BDKRB2: variants seen among roughly 807,000 people sequenced by gnomAD.
The protein encoded by BDKRB2 is bradykinin receptor B2.
BDKRB2 carries 6 observed loss-of-function variants against 4.0 expected under a neutral mutation model. The observed-to-expected ratio is 1.49, with a 90% CI of 0.81 to 2.93. The LOEUF (loss-of-function observed/expected upper bound fraction) is 2.93. BDKRB2 is among the 30% of genes most tolerant of loss of function. The pLI, the probability that BDKRB2 is intolerant of heterozygous loss-of-function variation, is 0.00. For missense variants in BDKRB2, 478 were observed against 520.1 expected, an observed-to-expected ratio of 0.92 and a Z score of 0.79; for synonymous variants, 225 against 215.3, an observed-to-expected ratio of 1.05 and a Z score of -0.40.
At chr14:96,231,217 C>T (rs898304467) in intron 1 of BDKRB2, among the ~76,000 whole-genome samples, 6 of 152,208 alleles carry the variant, frequency 3.9e-5, no homozygotes, top group Non-Finnish European at 7.3e-5. Flanking sequence ...CCCTCATGTC[C>T]CCACTGAAAG....
At chr14:96,234,561 G>T (rs1890889795) in intron 1 of BDKRB2, among the ~76,000 whole-genome samples, 1 of 152,194 alleles carries the variant, frequency 6.6e-6, no homozygotes, top group Non-Finnish European at 1.5e-5. Flanking sequence ...CCCTGACAGG[G>T]ATCCTCACCC....
chr14:96,235,510 G>A (rs1890910871), intron 1 of BDKRB2, among the ~76,000 whole-genome samples: 4 of 152,154 alleles, frequency 2.6e-5, no homozygotes, highest in Admixed American at 2.6e-4. Flanking sequence ...CAGAAGGACT[G>A]TGCTGCTCGT....
At chr14:96,218,975 G>T (rs1410195280) in intron 1 of BDKRB2, among the ~76,000 whole-genome samples, 1 of 151,730 alleles carries the variant, frequency 6.6e-6, no homozygotes, top group Non-Finnish European at 1.5e-5. Flanking sequence ...GTGTTGTGGG[G>T]ATTAAATGAG....
chr14:96,208,513 G>A (rs1196761489), intron 1 of BDKRB2, among the ~76,000 whole-genome samples: 3 of 152,106 alleles, frequency 2.0e-5, no homozygotes, highest in African/African-American at 7.2e-5. Flanking sequence ...TATTTTTGAG[G>A]ACCACTAGGA....
At chr14:96,232,029 T>C (rs530025215) in intron 1 of BDKRB2, among the ~76,000 whole-genome samples, 2 of 152,260 alleles carry the variant, frequency 1.3e-5, no homozygotes, top group South Asian at 4.1e-4. Flanking sequence ...GTGTAATGAA[T>C]GACTGGAAAC....
intron 1 of BDKRB2, among the ~76,000 whole-genome samples, chr14:96,226,740 GC>G (rs1890706603): frequency 6.6e-6 from 1 of 152,116 alleles, no homozygotes; most frequent in Non-Finnish European, 1.5e-5. Context: ...CTGGTAGAAT[GC>G]CCACCCTCTG....
intron 1 of BDKRB2, among the ~76,000 whole-genome samples, chr14:96,230,457 C>T (rs558796583): frequency 3.3e-5 from 5 of 151,864 alleles, no homozygotes; most frequent in South Asian, 4.2e-4. Flanking sequence ...TGCAACGGTG[C>T]GATCTCGGCT....
At chr14:96,218,996 T>A (rs1890491708) in intron 1 of BDKRB2, among the ~76,000 whole-genome samples, 1 of 151,470 alleles carries the variant, frequency 6.6e-6, no homozygotes, top group Non-Finnish European at 1.5e-5. Flanking sequence ...TTAATATCTG[T>A]GAAGTGCTTT....
rs1041752866 is a variant in BDKRB2, at chr14:96,243,422, G to T, written c.*1918G>T. ...GAACCTAGAAGGGCTAGAACCTGGAGGGCTAGAACCTGGCAGGTTAGAACC... is the reference window on the plus strand; with the variant it reads ...GAACCTAGAAGGGCTAGAACCTGGATGGCTAGAACCTGGCAGGTTAGAACC... On this transcript the variant is annotated 3_prime_UTR_variant, in exon 3 of 3. Coordinates refer to ENST00000554311, the MANE Select transcript of BDKRB2 (RefSeq NM_001379692.1). The T allele has an allele frequency of 1.3e-5, 2 of 151,964 alleles. No homozygotes were observed. Among genetic ancestry groups the T allele is most frequent in the African/African-American group, 2.5e-5 (1 of 40,806 alleles). The allele number at this position is 151,964 out of a possible 1,614,324, so 9.4% of individuals were successfully genotyped here.
At chr14:96,223,246 G>A in intron 1 of BDKRB2, 2 of 1,073,108 alleles carry the variant, frequency 1.9e-6, no homozygotes, top group Non-Finnish European at 2.9e-6. Flanking sequence ...GAGGAATCTT[G>A]GCGTTCAGCA....
rs2069588 is a variant in BDKRB2, at chr14:96,242,330, T to C, written c.*826T>C. 132,585 of 152,298 alleles carry C rather than the reference T, an allele frequency of 0.87. 58,120 individuals are homozygous for C. Among genetic ancestry groups the C allele is most frequent in the African/African-American group, 0.97 (40,464 of 41,568 alleles). 9.4% of individuals were successfully genotyped at this position (152,298 alleles called of 1,614,324 possible). On this transcript the variant is annotated 3_prime_UTR_variant, in exon 3 of 3. Transcript: ENST00000554311. ...TCAACCAATAACTATTGCACAACCA[T>C]CTGTCCCTGCCTCAGTTCCCTCTTC...
At chr14:96,221,685 A>G (rs1034072177) in intron 1 of BDKRB2, among the ~76,000 whole-genome samples, 1 of 151,952 alleles carries the variant, frequency 6.6e-6, no homozygotes, top group Non-Finnish European at 1.5e-5. Flanking sequence ...CTTGTGGGGA[A>G]CCAGAGCGTC....
At chr14:96,235,114 G>A (rs1227624061) in intron 1 of BDKRB2, among the ~76,000 whole-genome samples, 3 of 152,096 alleles carry the variant, frequency 2.0e-5, no homozygotes, top group Non-Finnish European at 2.9e-5. Context: ...TTGGGAGGCC[G>A]AGGCGGGTGG....
Position 96,223,772 on chromosome 14 carries a change from T to A in BDKRB2, c.-39-13297T>A, listed in dbSNP as rs970328505. On this transcript the variant is annotated intron_variant, in intron 1 of 2. Transcript: ENST00000554311. ...GAAACTTTCCATTTTATTCAAGAAA[T>A]CTGTTCATGTTAAAAGCCTTGATTA... 7.2e-5 allele frequency among the ~76,000 whole-genome samples: 11 copies of A among 151,782 alleles called. 2 individuals are homozygous for A. Among genetic ancestry groups the A allele is most frequent in the African/African-American group, 2.4e-4 (10 of 41,184 alleles).
intron 1 of BDKRB2, among the ~76,000 whole-genome samples, chr14:96,232,274 G>GA (rs368241733): frequency 6.6e-6 from 1 of 152,160 alleles, no homozygotes; most frequent in African/African-American, 2.4e-5. Flanking sequence ...CTGTATAGTT[G>GA]AAAAAAACGA....
At chr14:96,206,297 C>T (rs1890178613) in intron 1 of BDKRB2, among the ~76,000 whole-genome samples, 1 of 152,100 alleles carries the variant, frequency 6.6e-6, no homozygotes, top group Admixed American at 6.5e-5. Context: ...CAGGCAGCAC[C>T]CCAGGCCTCA....
rs775702998 is a variant in BDKRB2, at chr14:96,240,411, T to C, written c.83T>C (p.Met28Thr). ...TTTCCACTTTCTTTCAGCGCCGACA[T>C]GCTCAATGTCACCTTGCAAGGGCCC... The part of the protein sequence containing the change: ...VPTTASFSAD[M>T]LNVTLQGPTL... Residue 28 changes from methionine (M) to threonine (T), a missense_variant, in exon 3 of 3, where the codon ATG becomes ACG. Physicochemically the swap from Met to Thr is moderately conservative, Grantham distance 81. Transcript: ENST00000554311. 1.4e-6 allele frequency: 2 copies of C among 1,444,150 alleles called. No individual in the cohort carries two copies. The highest frequency in any genetic ancestry group is 1.8e-6 in the Non-Finnish European group (2 of 1,095,858). The allele number at this position is 1,444,150 out of a possible 1,614,324, so 89.5% of individuals were successfully genotyped here.
intron 1 of BDKRB2, among the ~76,000 whole-genome samples, chr14:96,206,144 C>G (rs1018749252): frequency 2.6e-5 from 4 of 152,220 alleles, no homozygotes; most frequent in African/African-American, 9.6e-5. Flanking sequence ...CGGGCCCTGG[C>G]AGCAGCAAGA....
intron 1 of BDKRB2, among the ~76,000 whole-genome samples, chr14:96,205,643 C>G (rs777236184): frequency 6.6e-6 from 1 of 152,132 alleles, no homozygotes; most frequent in East Asian, 1.9e-4. Flanking sequence ...GCTTTGCATC[C>G]GGCCCAGGTT....
Sources: allele counts gnomAD v4.1 joint callset (sites outside exome capture counted in the v4.1 genomes callset), GRCh38; gene constraint gnomAD v4.1.1; transcripts MANE v1.5; gene names NCBI Gene and HGNC (gene_info 2026-07-23, HGNC 2026-07-21).